PCLO: variants seen among roughly 807,000 people sequenced by gnomAD.
PCLO encodes the protein protein piccolo.
In PCLO, 82 loss-of-function variants were observed where a neutral mutation model predicts 427.5. The ratio of observed to expected loss-of-function variants is 0.19; its 90% CI spans 0.16 to 0.23. PCLO has a LOEUF of 0.23. Among genes scored for constraint, PCLO ranks in the 10% least tolerant of loss-of-function variants. The pLI is 1.00. For missense variants in PCLO, 6,239 were observed against 6,115.9 expected, an observed-to-expected ratio of 1.02 and a Z score of -0.67; for synonymous variants, 2,357 against 2,155.4, an observed-to-expected ratio of 1.09 and a Z score of -2.59.
chr7:82,863,516 A>G (rs1322336990), intron 10 of PCLO, among the ~76,000 whole-genome samples: 2 of 151,994 alleles, frequency 1.3e-5, no homozygotes, highest in East Asian at 3.9e-4. Flanking sequence ...CCTGAATTCC[A>G]TTTGAAAAGT....
intron 6 of PCLO, among the ~76,000 whole-genome samples, chr7:82,939,672 G>GAT (rs1301249050): frequency 7.5e-5 from 11 of 146,842 alleles, no homozygotes; most frequent in African/African-American, 7.5e-5. Context: ...GAGAGAGAGA[G>GAT]AAATAGATAT....
At chr7:83,153,260 T>C (rs1792183761) in intron 2 of PCLO, among the ~76,000 whole-genome samples, 1 of 151,278 alleles carries the variant, frequency 6.6e-6, no homozygotes, top group African/African-American at 2.4e-5. Context: ...ACTTATAATC[T>C]GATTTCTTCC....
rs528341284 is a variant in PCLO, at chr7:83,011,647, C to A, written c.3301-45160G>T. Among the ~76,000 whole-genome samples, 9 of 151,728 alleles carry A rather than the reference C, an allele frequency of 5.9e-5. No individual in the cohort carries two copies. The South Asian group carries it at 1.9e-3, about 32-fold the overall frequency. ...CTAAGAGAATTTTAAAAATATCATC[C>A]AAATTTGGCTTCAAACCACTGACTC... is the stretch of plus-strand genomic sequence containing the variant. On this transcript the variant is annotated intron_variant, in intron 3 of 24. Coordinates refer to ENST00000333891, the MANE Select transcript of PCLO (RefSeq NM_033026.6).
chr7:83,102,987 T>C (rs10240935), intron 3 of PCLO, among the ~76,000 whole-genome samples: 1,516 of 81,076 alleles, frequency 0.019, 27 homozygotes, highest in African/African-American at 0.062. Context: ...CCAAAAATGG[T>C]ATGTTTATTT....
intron 20 of PCLO, chr7:82,820,447 A>T (rs753977719): frequency 1.0e-4 from 107 of 1,059,638 alleles, no homozygotes; most frequent in Non-Finnish European, 1.2e-4. Flanking sequence ...TTTAAGCTGC[A>T]TCATATAACA....
At chr7:83,140,558 CACAA>C (rs1456799636) in intron 2 of PCLO, among the ~76,000 whole-genome samples, 2 of 152,162 alleles carry the variant, frequency 1.3e-5, no homozygotes, top group Non-Finnish European at 2.9e-5. Flanking sequence ...CAGTTATGTT[CACAA>C]ACATTTTTTG....
chr7:82,808,447 A>G (rs1344043374), intron 20 of PCLO, among the ~76,000 whole-genome samples: 5 of 151,916 alleles, frequency 3.3e-5, no homozygotes, highest in African/African-American at 4.8e-5. Context: ...ATGTGTACAG[A>G]ATATAAAATA....
At chr7:83,115,489 T>C (rs1309681811) in intron 3 of PCLO, among the ~76,000 whole-genome samples, 2 of 152,094 alleles carry the variant, frequency 1.3e-5, no homozygotes, top group Non-Finnish European at 2.9e-5. Context: ...TTTTATAAGC[T>C]GTTAAAACCT....
intron 9 of PCLO, among the ~76,000 whole-genome samples, chr7:82,902,237 T>C (rs1289784384): frequency 1.3e-5 from 2 of 151,348 alleles, no homozygotes; most frequent in Non-Finnish European, 3.0e-5. Flanking sequence ...CATGGAATAC[T>C]ATGCAGCCAT....
At chr7:82,992,422 T>C (rs535651221) in intron 3 of PCLO, among the ~76,000 whole-genome samples, 1 of 152,230 alleles carries the variant, frequency 6.6e-6, no homozygotes, top group East Asian at 1.9e-4. Context: ...TGGTTTATTA[T>C]AGTGTGTTGT....
chr7:82,954,282 T>C lies in PCLO; in HGVS notation c.6671A>G (p.Glu2224Gly), dbSNP rs1169136419. 1 of 1,613,506 alleles carries C rather than the reference T, an allele frequency of 6.2e-7. No homozygotes were observed. The highest frequency in any genetic ancestry group is 8.5e-7 in the Non-Finnish European group (1 of 1,179,644). ...AAAATAAGTTGATGAAGAAATTTCCTCAGAATCTTCAAATTTAGTTATCAT... is the reference window on the plus strand; with the variant it reads ...AAAATAAGTTGATGAAGAAATTTCCCCAGAATCTTCAAATTTAGTTATCAT... The part of the protein sequence containing the change: ...VDMITKFEDS[E>G]EISSSTYFPG... The change falls in exon 5 of 25, where the codon GAG becomes GGG. Residue 2224 changes from glutamate to glycine, a missense_variant. Transcript: ENST00000333891.
Position 82,847,702 on chromosome 7 carries a change from T to C in PCLO, c.13655-455A>G, listed in dbSNP as rs1792541567. Among the ~76,000 whole-genome samples, 4 of 152,320 alleles carry C rather than the reference T, an allele frequency of 2.6e-5. No individual in the cohort carries two copies. The South Asian group carries it at 8.3e-4, about 32-fold the overall frequency. On this transcript the variant is annotated intron_variant, in intron 10 of 24. Coordinates refer to ENST00000333891, the MANE Select transcript of PCLO (RefSeq NM_033026.6). The stretch of plus-strand genomic sequence containing the variant: ...GAAAAAAGTCATTTGGATTTCTCCA[T>C]TTCAGAAACTGTTGTAGCTTCTATT...
At chr7:83,043,691 T>G (rs1451608744) in intron 3 of PCLO, among the ~76,000 whole-genome samples, 1 of 152,138 alleles carries the variant, frequency 6.6e-6, no homozygotes, top group East Asian at 1.9e-4. Context: ...TTCCTGCATT[T>G]ACACAGCTCT....
intron 5 of PCLO, 145 bp downstream of exon 5, chr7:82,951,711 T>C: frequency 7.9e-7 from 1 of 1,263,300 alleles, no homozygotes; most frequent in South Asian, 1.6e-5. Flanking sequence ...AAAGCGCACT[T>C]GTACTCCAAA....
At chr7:82,865,522 A>T (rs983798101) in intron 10 of PCLO, among the ~76,000 whole-genome samples, 6 of 152,004 alleles carry the variant, frequency 3.9e-5, no homozygotes, top group African/African-American at 1.4e-4. Flanking sequence ...CAAAAAACCC[A>T]CAAATATACA....
chr7:83,139,985 A>C (rs1791823016), intron 2 of PCLO, among the ~76,000 whole-genome samples: 1 of 152,182 alleles, frequency 6.6e-6, no homozygotes, highest in Non-Finnish European at 1.5e-5. Flanking sequence ...AAGACAAAAG[A>C]AAAAGAAAAA....
At chr7:83,122,976 A>G (rs1791326958) in intron 3 of PCLO, among the ~76,000 whole-genome samples, 1 of 152,192 alleles carries the variant, frequency 6.6e-6, no homozygotes, top group Non-Finnish European at 1.5e-5. Context: ...TGATGCAACA[A>G]ATTGGAAAGG....
intron 16 of PCLO, among the ~76,000 whole-genome samples, chr7:82,834,612 C>T (rs1792180168): frequency 6.6e-6 from 1 of 152,056 alleles, no homozygotes; most frequent in Non-Finnish European, 1.5e-5. Context: ...TTCCCATCAC[C>T]CTATTGCTAC....
intron 9 of PCLO, among the ~76,000 whole-genome samples, chr7:82,897,030 G>T (rs2116160108): frequency 6.6e-6 from 1 of 151,648 alleles, no homozygotes; most frequent in African/African-American, 2.4e-5. Context: ...AGAAAAAAAA[G>T]GAGACTCATT....
Sources: gnomAD v4.1 joint callset for allele counts (sites outside exome capture counted in the v4.1 genomes callset) on GRCh38, gnomAD v4.1.1 for gene constraint, MANE v1.5 for transcripts, NCBI Gene and HGNC (gene_info 2026-07-23, HGNC 2026-07-21) for gene names.